ANKS6: variants seen among roughly 807,000 people sequenced by gnomAD.
ANKS6 encodes ankyrin repeat and sterile alpha motif domain containing 6.
A neutral mutation model predicts 77.9 loss-of-function variants in ANKS6; 47 were observed. The ratio of observed to expected loss-of-function variants is 0.60; its 90% CI spans 0.48 to 0.77. The LOEUF (loss-of-function observed/expected upper bound fraction) is 0.77, where lower values mean the gene tolerates loss of function less well. ANKS6 is among the 30% of genes least tolerant of loss of function. The pLI is 0.00. For synonymous variants in ANKS6, 488 were observed against 501.7 expected, an observed-to-expected ratio of 0.97 and a Z score of 0.37; for missense variants, 1,150 against 1,159.1, an observed-to-expected ratio of 0.99 and a Z score of 0.11.
intron 6 of ANKS6, 58 bp from the exon 7 acceptor site, chr9:98,778,482 C>T (rs886286374): frequency 6.5e-7 from 1 of 1,537,110 alleles, no homozygotes; most frequent in Admixed American, 1.8e-5. Flanking sequence ...AGACCAGGCC[C>T]AGGACCTGCC....
chr9:98,768,056 G>C, intron 11 of ANKS6, 25 bp downstream of exon 11: 1 of 1,587,824 alleles, frequency 6.3e-7, no homozygotes, highest in Non-Finnish European at 8.6e-7. Flanking sequence ...GAGTGTAACA[G>C]GAGGAGGCCA....
intron 12 of ANKS6, among the ~76,000 whole-genome samples, chr9:98,751,385 C>T (rs904003885): frequency 6.6e-5 from 10 of 152,176 alleles, no homozygotes; most frequent in African/African-American, 1.7e-4. Context: ...CTCCAGACTG[C>T]GACCCTCAAG....
chr9:98,736,768 G>GT (rs761372892), intron 14 of ANKS6, 145 bp from the exon 15 acceptor site: 3 of 1,056,404 alleles, frequency 2.8e-6, no homozygotes, highest in Non-Finnish European at 4.1e-6. Context: ...AACTGAAAGA[G>GT]TACCGAGTTC....
chr9:98,734,745 G>T lies in ANKS6; in HGVS notation c.*1774C>A. 1.4e-5 allele frequency: 14 copies of T among 977,108 alleles called. No individual in the cohort carries two copies. The highest frequency in any genetic ancestry group is 1.7e-5 in the Non-Finnish European group (14 of 822,392). 60.5% of individuals were successfully genotyped at this position (977,108 alleles called of 1,614,324 possible). ...CCACCTCCAGGGTGGCCATGAGGAT[G>T]AAATGACAAAGGTAAAGCTGCCAGC... is the stretch of plus-strand genomic sequence containing the variant. On this transcript the variant is annotated 3_prime_UTR_variant, in exon 15 of 15. Transcript: ENST00000353234.
At chr9:98,768,394 A>G (rs1380212834) in intron 10 of ANKS6, 144 bp from the exon 11 acceptor site, 2 of 970,420 alleles carry the variant, frequency 2.1e-6, no homozygotes, top group East Asian at 4.9e-5. Flanking sequence ...GACTGACCAC[A>G]GGAGAATTCT....
intron 14 of ANKS6, among the ~76,000 whole-genome samples, chr9:98,742,387 T>G (rs1588320973): frequency 6.6e-6 from 1 of 152,162 alleles, no homozygotes; most frequent in Non-Finnish European, 1.5e-5. Context: ...GAGGAGCTCT[T>G]TGCACATCTA....
chr9:98,732,370 T>C lies in ANKS6; in HGVS notation c.*4149A>G. ...CAGCTTCTACGACTTGGTCAAACTA[T>C]CTTTCTTTCTGTCTGCCATGCCAGG... On this transcript the variant is annotated 3_prime_UTR_variant, in exon 15 of 15. Coordinates refer to ENST00000353234, the MANE Select transcript of ANKS6 (RefSeq NM_173551.5). The C allele has an allele frequency of 1.9e-6, 2 of 1,057,742 alleles. No homozygotes were observed. Among genetic ancestry groups the C allele is most frequent in the Non-Finnish European group, 2.7e-6 (2 of 737,394 alleles). The allele number at this position is 1,057,742 out of a possible 1,614,324, so 65.5% of individuals were successfully genotyped here.
Position 98,783,950 on chromosome 9 carries a change from G to A in ANKS6, c.1112+3C>T. The A allele has an allele frequency of 6.3e-7, 1 of 1,581,902 alleles. No individual in the cohort carries two copies. Among genetic ancestry groups the A allele is most frequent in the South Asian group, 1.1e-5 (1 of 87,086 alleles). On this transcript the variant is annotated splice_donor_region_variant and intron_variant, in intron 4 of 14. Coordinates refer to ENST00000353234, the MANE Select transcript of ANKS6 (RefSeq NM_173551.5). ...TCGCTGAGGGCGTGGGGCTGGCACTGACCCATGGTAGGTTGCCTGCATGAG... is the reference window on the plus strand; with the variant it reads ...TCGCTGAGGGCGTGGGGCTGGCACTAACCCATGGTAGGTTGCCTGCATGAG...
chr9:98,745,778 G>A, intron 13 of ANKS6, 103 bp from the exon 14 acceptor site: 2 of 821,772 alleles, frequency 2.4e-6, no homozygotes, highest in Non-Finnish European at 4.2e-6. Context: ...CTTATTAGTA[G>A]TAAACTGATG....
rs1480662823 is a variant in ANKS6 at position 98,735,105 on chromosome 9, T to C, written c.*1414A>G. On this transcript the variant is annotated 3_prime_UTR_variant, in exon 15 of 15. Transcript: ENST00000353234. ...GGCTCAGCATGGCTCAAGGTAGAGA[T>C]CAGAATTCTGTGCAGCCTACCATCG... The C allele has an allele frequency of 1.0e-6, 1 of 985,140 alleles. No individual in the cohort carries two copies. The highest frequency in any genetic ancestry group is 1.7e-5 in the African/African-American group (1 of 57,154). The allele number at this position is 985,140 out of a possible 1,614,324, so 61.0% of individuals were successfully genotyped here.
chr9:98,751,104 ATGG>A lies in ANKS6; in HGVS notation c.2327-11_2327-9del. On this transcript the variant is annotated splice_polypyrimidine_tract_variant and intron_variant, in intron 12 of 14. Coordinates refer to ENST00000353234, the MANE Select transcript of ANKS6 (RefSeq NM_173551.5). ...GGATTCCAGTCAGTTCATCTTCAAG[ATGG>A]AAAGGTGAAAAAAAAACAACACATT... is the stretch of plus-strand genomic sequence containing the variant. The A allele has an allele frequency of 6.3e-7, 1 of 1,595,782 alleles. No homozygotes were observed. Among genetic ancestry groups the A allele is most frequent in the Non-Finnish European group, 8.5e-7 (1 of 1,171,946 alleles).
intron 12 of ANKS6, among the ~76,000 whole-genome samples, chr9:98,751,725 A>T (rs1230057350): frequency 1.3e-5 from 2 of 152,212 alleles, no homozygotes; most frequent in Non-Finnish European, 2.9e-5. Flanking sequence ...TTACTCACAC[A>T]TTCAATAGGG....
intron 4 of ANKS6, among the ~76,000 whole-genome samples, chr9:98,782,814 G>A (rs1046303169): frequency 6.6e-6 from 1 of 152,154 alleles, no homozygotes; most frequent in Non-Finnish European, 1.5e-5. Context: ...TAGATGTGGT[G>A]GCTCACACCC....
chr9:98,764,907 C>T (rs936576535), intron 11 of ANKS6, among the ~76,000 whole-genome samples: 1 of 152,076 alleles, frequency 6.6e-6, no homozygotes, highest in African/African-American at 2.4e-5. Flanking sequence ...TTTTTCTTGA[C>T]TTTTTGTATG....
intron 5 of ANKS6, among the ~76,000 whole-genome samples, chr9:98,781,522 G>A (rs1199702468): frequency 6.6e-6 from 1 of 152,168 alleles, no homozygotes; most frequent in Non-Finnish European, 1.5e-5. Context: ...CCTCTGGCTG[G>A]GACAGATCAC....
At position 98,756,493 on chromosome 9, in the gene ANKS6, T is replaced by G; in HGVS notation, c.2253A>C (p.Ser751=). 6.2e-7 allele frequency: 1 copy of G among 1,613,410 alleles called. No homozygotes were observed. The highest frequency in any genetic ancestry group is 1.1e-5 in the South Asian group (1 of 91,046). ...PSPKGHTAES[S]VSSSSSHRQS... ...GCCGATGGGATGACGAGGAAGACAC[T>G]GAGGACTCTGCAGTGTGCCCTTTGG... Residue 751 remains serine, a synonymous_variant, in exon 12 of 15, where the codon TCA becomes TCC. Transcript: ENST00000353234.
intron 5 of ANKS6, among the ~76,000 whole-genome samples, chr9:98,782,154 A>C (rs1834304629): frequency 6.6e-6 from 1 of 152,196 alleles, no homozygotes; most frequent in African/African-American, 2.4e-5. Flanking sequence ...TCTGGCTGTG[A>C]AGCACAGATG....
At chr9:98,795,320 T>G (rs1284496953) in intron 1 of ANKS6, among the ~76,000 whole-genome samples, 2 of 152,008 alleles carry the variant, frequency 1.3e-5, no homozygotes, top group African/African-American at 2.4e-5. Context: ...GGAAAGTAAT[T>G]TTTCCAAAAC....
intron 13 of ANKS6, among the ~76,000 whole-genome samples, chr9:98,746,676 C>T (rs1246456652): frequency 1.3e-5 from 2 of 151,918 alleles, no homozygotes; most frequent in Non-Finnish European, 2.9e-5. Context: ...GCATCCTCGC[C>T]GTTCTCCACA....
Sources: allele counts gnomAD v4.1 joint callset (sites outside exome capture counted in the v4.1 genomes callset), GRCh38; gene constraint gnomAD v4.1.1; transcripts MANE v1.5; gene names NCBI Gene and HGNC (gene_info 2026-07-23, HGNC 2026-07-21).